Variants in PCDH15 observed in about 807,000 individuals in gnomAD.
The protein encoded by PCDH15 is protocadherin-15.
PCDH15 carries 129 observed loss-of-function variants against 178.5 expected under a neutral mutation model. The observed-to-expected ratio is 0.72, with a 90% CI of 0.63 to 0.84. The LOEUF (loss-of-function observed/expected upper bound fraction) is 0.84, where lower values mean the gene tolerates loss of function less well. Among genes scored for constraint, PCDH15 ranks in the 40% least tolerant of loss-of-function variants. The probability of loss-of-function intolerance (pLI) is 0.00; values close to 1 mark genes in which losing one functional copy is unlikely to be tolerated. For missense variants in PCDH15, 2,230 were observed against 2,099.9 expected, an observed-to-expected ratio of 1.06 and a Z score of -1.21; for synonymous variants, 800 against 732.0, an observed-to-expected ratio of 1.09 and a Z score of -1.50.
Position 55,449,329 on chromosome 10 carries a change from C to A in PCDH15, c.-156+178296G>T, listed in dbSNP as rs375905903. Among the ~76,000 whole-genome samples the A allele has an allele frequency of 7.0e-4, 106 of 152,038 alleles. 1 individual carries two copies. The South Asian group carries it at 0.021, about 30-fold the overall frequency. ...TGTACAATGTTGGTTCCATCAGAAA[C>A]AAATGCGGATTTGCAAGTACCCCAG... On this transcript the variant is annotated intron_variant, in intron 2 of 5. Transcript: ENST00000613346.
At chr10:55,143,542 A>G (rs1213926359) in intron 2 of PCDH15, among the ~76,000 whole-genome samples, 1 of 152,088 alleles carries the variant, frequency 6.6e-6, no homozygotes, top group East Asian at 1.9e-4. Context: ...TATTTTCACC[A>G]TGACTGCTGA....
chr10:54,328,638 A>G (rs1938715213), intron 7 of PCDH15, among the ~76,000 whole-genome samples: 1 of 152,008 alleles, frequency 6.6e-6, no homozygotes, highest in Non-Finnish European at 1.5e-5. Flanking sequence ...CCCAGATAAA[A>G]GAAGGAAGAA....
intron 1 of PCDH15, among the ~76,000 whole-genome samples, chr10:55,226,742 T>C (rs1391829450): frequency 6.6e-6 from 1 of 152,024 alleles, no homozygotes; most frequent in Non-Finnish European, 1.5e-5. Flanking sequence ...AGTAATAAGA[T>C]AGTACAAAAT....
intron 1 of PCDH15, among the ~76,000 whole-genome samples, chr10:54,746,421 AG>A (rs770143792): frequency 2.0e-5 from 3 of 152,206 alleles, no homozygotes; most frequent in Non-Finnish European, 2.9e-5. Flanking sequence ...GAGTGACTAC[AG>A]TCTGCAATAA....
At chr10:54,253,921 G>A (rs2056702031) in intron 8 of PCDH15, among the ~76,000 whole-genome samples, 1 of 151,904 alleles carries the variant, frequency 6.6e-6, no homozygotes. Flanking sequence ...TTTTCCAATA[G>A]TATTTAATCT....
chr10:53,894,781 G>C (rs2081836790), intron 26 of PCDH15, among the ~76,000 whole-genome samples: 1 of 152,140 alleles, frequency 6.6e-6, no homozygotes, highest in Non-Finnish European at 1.5e-5. Context: ...ATTTTAAAGG[G>C]CACCTGCTTC....
intron 3 of PCDH15, among the ~76,000 whole-genome samples, chr10:54,876,458 C>T (rs377610236): frequency 3.4e-4 from 52 of 152,198 alleles, no homozygotes; most frequent in Non-Finnish European, 6.0e-4. Flanking sequence ...GTGATTCTTA[C>T]AAGGAATCCG....
chr10:54,599,688 G>T, intron 2 of PCDH15: 1 of 437,830 alleles, frequency 2.3e-6, no homozygotes. Context: ...AGTCTCCAGT[G>T]AAAGCAACTG....
chr10:54,695,893 A>G (rs978995206), intron 1 of PCDH15, among the ~76,000 whole-genome samples: 2 of 152,054 alleles, frequency 1.3e-5, no homozygotes, highest in Non-Finnish European at 2.9e-5. Context: ...TTATTTTCAA[A>G]GTATCACTGC....
At chr10:54,493,088 A>G (rs183086366) in intron 3 of PCDH15, among the ~76,000 whole-genome samples, 3 of 152,290 alleles carry the variant, frequency 2.0e-5, no homozygotes, top group South Asian at 4.1e-4. Context: ...ACTTGCCCTC[A>G]TGATTCAATT....
chr10:53,958,550 C>G (rs1377892556), intron 23 of PCDH15, among the ~76,000 whole-genome samples: 1 of 152,044 alleles, frequency 6.6e-6, no homozygotes, highest in East Asian at 1.9e-4. Flanking sequence ...AGAGAGCTTG[C>G]TTTCTCTCTC....
chr10:54,308,194 C>T (rs767043253), intron 8 of PCDH15, among the ~76,000 whole-genome samples: 2 of 152,058 alleles, frequency 1.3e-5, no homozygotes, highest in African/African-American at 4.8e-5. Flanking sequence ...AGTAAGCCAT[C>T]AGAGTTTCAG....
intron 2 of PCDH15, among the ~76,000 whole-genome samples, chr10:55,479,053 A>G (rs902502290): frequency 1.3e-4 from 20 of 151,270 alleles, no homozygotes; most frequent in Non-Finnish European, 1.3e-4. Context: ...ACTCAGTTCT[A>G]CTAAACATTC....
intron 2 of PCDH15, among the ~76,000 whole-genome samples, chr10:55,369,763 C>A (rs1199098889): frequency 6.6e-6 from 1 of 151,838 alleles, no homozygotes; most frequent in Non-Finnish European, 1.5e-5. Flanking sequence ...AACAGTCATG[C>A]CTCATAACCC....
At chr10:53,949,588 A>C (rs2086849038) in intron 23 of PCDH15, among the ~76,000 whole-genome samples, 1 of 152,154 alleles carries the variant, frequency 6.6e-6, no homozygotes, top group African/African-American at 2.4e-5. Context: ...TAAAAAAAAA[A>C]TTAGCTGGGC....
intron 1 of PCDH15, among the ~76,000 whole-genome samples, chr10:55,171,304 C>G (rs1839325867): frequency 6.6e-6 from 1 of 152,190 alleles, no homozygotes; most frequent in Non-Finnish European, 1.5e-5. Context: ...TATTATTTCA[C>G]CAGCTTAGGC....
intron 2 of PCDH15, among the ~76,000 whole-genome samples, chr10:54,610,084 T>G (rs2092910586): frequency 6.6e-6 from 1 of 151,984 alleles, no homozygotes; most frequent in Admixed American, 6.6e-5. Flanking sequence ...TCTGTCAATT[T>G]GATTGTCACT....
chr10:53,847,238 C>G (rs1270534966), intron 28 of PCDH15, among the ~76,000 whole-genome samples: 1 of 152,012 alleles, frequency 6.6e-6, no homozygotes. Flanking sequence ...GTTACAAGAA[C>G]TCTTCAGATT....
At chr10:54,427,376 T>C (rs1956415291) in intron 3 of PCDH15, among the ~76,000 whole-genome samples, 1 of 148,746 alleles carries the variant, frequency 6.7e-6, no homozygotes, top group Non-Finnish European at 1.5e-5. Flanking sequence ...CCTCCTGGGT[T>C]CAATTGATTC....
Sources: gnomAD v4.1 joint callset for allele counts (sites outside exome capture counted in the v4.1 genomes callset) on GRCh38, gnomAD v4.1.1 for gene constraint, MANE v1.5 for transcripts, NCBI Gene and HGNC (gene_info 2026-07-23, HGNC 2026-07-21) for gene names.